The following FOXP1 variants were observed in gnomAD, a reference collection of about 807,000 sequenced individuals.
FOXP1 encodes the protein forkhead box P1.
Under a neutral mutation model 98.2 loss-of-function variants are expected in FOXP1, and 15 were observed. That is an observed-to-expected ratio of 0.15 (90% confidence interval 0.10 to 0.24). The LOEUF (loss-of-function observed/expected upper bound fraction) is 0.24, where lower values mean the gene tolerates loss of function less well. Ranked by LOEUF, FOXP1 falls within the 10% of genes least tolerant of loss-of-function variation. The probability of loss-of-function intolerance (pLI) is 1.00; values close to 1 mark genes in which losing one functional copy is unlikely to be tolerated. For missense variants in FOXP1, 633 were observed against 848.5 expected, an observed-to-expected ratio of 0.75 and a Z score of 3.15; for synonymous variants, 371 against 314.5, an observed-to-expected ratio of 1.18 and a Z score of -1.90.
At chr3:71,347,877 T>A (rs1029425353) in intron 4 of FOXP1, among the ~76,000 whole-genome samples, 1 of 110,506 alleles carries the variant, frequency 9.0e-6, no homozygotes, top group African/African-American at 2.9e-5. Flanking sequence ...AGAGCAAAAC[T>A]CTGTCTCACA....
At chr3:71,130,390 A>G (rs917960864) in intron 6 of FOXP1, 3 of 1,109,718 alleles carry the variant, frequency 2.7e-6, no homozygotes, top group Admixed American at 4.1e-5. Context: ...GCAGTAAACA[A>G]GTTGGATCAC....
intron 1 of FOXP1, 54 bp downstream of exon 1, chr3:71,583,517 G>A: frequency 1.0e-6 from 1 of 976,962 alleles, no homozygotes; most frequent in Non-Finnish European, 1.2e-6. Flanking sequence ...GCGGAAACAA[G>A]ACAGGAGGCG....
intron 1 of FOXP1, 191 bp from the exon 2 acceptor site, chr3:71,581,888 G>T: frequency 1.0e-6 from 1 of 984,992 alleles, no homozygotes; most frequent in Non-Finnish European, 1.2e-6. Context: ...AGGATCCAGA[G>T]ACCGGGAAAT....
At chr3:71,161,398 C>G (rs2061128680) in intron 6 of FOXP1, among the ~76,000 whole-genome samples, 4 of 152,162 alleles carry the variant, frequency 2.6e-5, no homozygotes, top group Admixed American at 6.5e-5. Flanking sequence ...CCTCTCTCTC[C>G]ACGTGACCTC....
chr3:71,370,950 C>T (rs1032254048), intron 3 of FOXP1, among the ~76,000 whole-genome samples: 10 of 151,902 alleles, frequency 6.6e-5, no homozygotes, highest in African/African-American at 1.2e-4. Context: ...TACAGGCACA[C>T]GCCACGACGC....
chr3:71,332,063 C>G (rs111800692), intron 4 of FOXP1: 91,135 of 152,126 alleles, frequency 0.6, 28,844 homozygotes, highest in East Asian at 0.9. Context: ...GCAGGCTGCC[C>G]GAGCCAGCAG....
At chr3:71,017,953 T>A (rs950181877) in intron 11 of FOXP1, among the ~76,000 whole-genome samples, 1 of 152,190 alleles carries the variant, frequency 6.6e-6, no homozygotes, top group Non-Finnish European at 1.5e-5. Context: ...TTGTGTGATT[T>A]TTTCAATTTG....
At chr3:71,336,166 C>A (rs924019329) in intron 4 of FOXP1, among the ~76,000 whole-genome samples, 1 of 151,568 alleles carries the variant, frequency 6.6e-6, no homozygotes, top group African/African-American at 2.4e-5. Flanking sequence ...GAAAGACAGA[C>A]AATTTGATCT....
intron 4 of FOXP1, among the ~76,000 whole-genome samples, chr3:71,350,224 G>A (rs182780840): frequency 5.5e-4 from 83 of 152,158 alleles, no homozygotes; most frequent in Admixed American, 5.1e-3. Flanking sequence ...ATTTTCCTGG[G>A]TCATTCAAAA....
intron 18 of FOXP1, chr3:70,972,280 T>G: frequency 2.7e-6 from 3 of 1,106,780 alleles, no homozygotes; most frequent in Non-Finnish European, 2.5e-6. Context: ...AAAAAGAAAA[T>G]AAAATGCAAT....
intron 6 of FOXP1, among the ~76,000 whole-genome samples, chr3:71,150,406 T>C (rs947053017): frequency 6.6e-6 from 1 of 152,234 alleles, no homozygotes; most frequent in African/African-American, 2.4e-5. Context: ...ATATATCTAT[T>C]ACATTTTTGT....
intron 5 of FOXP1, among the ~76,000 whole-genome samples, chr3:71,246,840 T>A (rs1357788650): frequency 6.6e-6 from 1 of 152,242 alleles, no homozygotes. Flanking sequence ...ATCATTTTCA[T>A]TAGCCTGTCT....
chr3:71,144,567 G>A (rs749090383), intron 6 of FOXP1, among the ~76,000 whole-genome samples: 4 of 152,190 alleles, frequency 2.6e-5, no homozygotes, highest in African/African-American at 9.7e-5. Flanking sequence ...GAGCGTGATT[G>A]TGCCCTGCTA....
chr3:70,962,872 C>A (rs1376261873), intron 20 of FOXP1, among the ~76,000 whole-genome samples: 1 of 152,148 alleles, frequency 6.6e-6, no homozygotes, highest in African/African-American at 2.4e-5. Context: ...TAGACTTTGA[C>A]CAATATTTTG....
chr3:71,126,835 CG>C, intron 6 of FOXP1, among the ~76,000 whole-genome samples: 1 of 77,868 alleles, frequency 1.3e-5, no homozygotes, highest in African/African-American at 5.5e-5. Flanking sequence ...AAGAAAAAAA[CG>C]AAACAAACAA....
intron 2 of FOXP1, chr3:71,570,669 G>A (rs2047272851): frequency 2.6e-5 from 4 of 152,226 alleles, no homozygotes; most frequent in Admixed American, 2.6e-4. Context: ...AACAGAGTTT[G>A]GGCAACACTT....
intron 5 of FOXP1, among the ~76,000 whole-genome samples, chr3:71,216,453 T>C (rs1415691555): frequency 6.6e-6 from 1 of 152,134 alleles, no homozygotes; most frequent in African/African-American, 2.4e-5. Context: ...AATGGTTGAT[T>C]TGAATGGGCT....
At chr3:71,092,969 A>C (rs1472141099) in intron 7 of FOXP1, among the ~76,000 whole-genome samples, 3 of 152,224 alleles carry the variant, frequency 2.0e-5, no homozygotes, top group Non-Finnish European at 4.4e-5. Context: ...ATGCTTTAAA[A>C]GGCAAAAAAG....
intron 5 of FOXP1, among the ~76,000 whole-genome samples, chr3:71,254,795 G>A (rs1339856759): frequency 6.6e-6 from 1 of 151,980 alleles, no homozygotes; most frequent in Non-Finnish European, 1.5e-5. Context: ...TTATCTACAG[G>A]GTAAAAGCAA....
Sources: gnomAD v4.1 joint callset for allele counts (sites outside exome capture counted in the v4.1 genomes callset) on GRCh38, gnomAD v4.1.1 for gene constraint, MANE v1.5 for transcripts, NCBI Gene and HGNC (gene_info 2026-07-23, HGNC 2026-07-21) for gene names.